The following SYT16 variants were observed in gnomAD, a reference collection of about 807,000 sequenced individuals.
SYT16 encodes synaptotagmin-16.
SYT16 carries 42 observed loss-of-function variants against 61.4 expected under a neutral mutation model. That is an observed-to-expected ratio of 0.68 (90% CI 0.53 to 0.89). The LOEUF (loss-of-function observed/expected upper bound fraction) is 0.89. Among genes scored for constraint, SYT16 ranks in the 40% least tolerant of loss-of-function variants. The pLI is 0.00. For missense variants in SYT16, 804 were observed against 807.3 expected, an observed-to-expected ratio of 1.00 and a Z score of 0.05; for synonymous variants, 314 against 302.3, an observed-to-expected ratio of 1.04 and a Z score of -0.40.
At chr14:61,827,804 G>A (rs2045817143) in intron 1 of SYT16, among the ~76,000 whole-genome samples, 1 of 152,080 alleles carries the variant, frequency 6.6e-6, no homozygotes, top group Non-Finnish European at 1.5e-5. Context: ...CCACTTCAGT[G>A]GAATATATAA....
intron 1 of SYT16, among the ~76,000 whole-genome samples, chr14:61,849,815 T>C (rs895192157): frequency 2.6e-5 from 4 of 152,118 alleles, no homozygotes; most frequent in Admixed American, 2.0e-4. Flanking sequence ...CTTATGTAGG[T>C]GCTTTTTTGT....
At chr14:61,985,044 A>T (rs1051890187) in intron 2 of SYT16, among the ~76,000 whole-genome samples, 4 of 152,084 alleles carry the variant, frequency 2.6e-5, no homozygotes, top group Non-Finnish European at 5.9e-5. Flanking sequence ...TTTTGATGGG[A>T]TCCCAAGAGG....
At chr14:61,965,850 C>G (rs1241762879) in intron 1 of SYT16, among the ~76,000 whole-genome samples, 4 of 151,820 alleles carry the variant, frequency 2.6e-5, no homozygotes, top group Non-Finnish European at 5.9e-5. Context: ...TTGTGGATAT[C>G]TGATGAAATC....
Position 62,104,083 on chromosome 14 carries a change from TTAAG to T in SYT16, c.*3379_*3382del, listed in dbSNP as rs2057470596. ...CTTTTCTTTCCAGATGAAGTACTAT[TTAAG>T]TAGAAACTAGCATTAGGTTAAATCA... On this transcript the variant is annotated 3_prime_UTR_variant, in exon 8 of 8. Coordinates refer to ENST00000683842, the MANE Select transcript of SYT16 (RefSeq NM_001367656.1). 6.6e-6 allele frequency: 1 copy of T among 152,226 alleles called. No homozygotes were observed. Among genetic ancestry groups the T allele is most frequent in the African/African-American group, 2.4e-5 (1 of 41,466 alleles). 9.4% of individuals were successfully genotyped at this position (152,226 alleles called of 1,614,324 possible).
At chr14:61,964,393 A>G (rs1386173190) in intron 1 of SYT16, among the ~76,000 whole-genome samples, 1 of 152,180 alleles carries the variant, frequency 6.6e-6, no homozygotes, top group Non-Finnish European at 1.5e-5. Flanking sequence ...TCAAGATTTC[A>G]GTGGAAGAAG....
intron 1 of SYT16, among the ~76,000 whole-genome samples, chr14:61,932,495 G>A (rs1261926538): frequency 6.6e-6 from 1 of 152,160 alleles, no homozygotes; most frequent in Non-Finnish European, 1.5e-5. Context: ...GCGTGTGAAG[G>A]AGGAACTATT....
chr14:61,975,488 C>T (rs1423602403), intron 2 of SYT16, among the ~76,000 whole-genome samples: 1 of 152,130 alleles, frequency 6.6e-6, no homozygotes, highest in East Asian at 1.9e-4. Flanking sequence ...TCTCAGCAAA[C>T]TTAATCATGA....
intron 2 of SYT16, among the ~76,000 whole-genome samples, chr14:61,977,454 G>A (rs1428267840): frequency 2.0e-5 from 3 of 152,094 alleles, no homozygotes; most frequent in Admixed American, 1.3e-4. Flanking sequence ...GAGATGGGGA[G>A]GCAGGCACCT....
chr14:61,978,555 G>C (rs2051918454), intron 2 of SYT16, among the ~76,000 whole-genome samples: 1 of 152,230 alleles, frequency 6.6e-6, no homozygotes, highest in Non-Finnish European at 1.5e-5. Flanking sequence ...ACAACAGGGA[G>C]TGGCAGGGCA....
At chr14:61,999,476 C>A (rs1198087857) in intron 3 of SYT16, among the ~76,000 whole-genome samples, 2 of 151,362 alleles carry the variant, frequency 1.3e-5, no homozygotes, top group Admixed American at 6.6e-5. Flanking sequence ...GATATTGGTA[C>A]TTTTTGTCTT....
At chr14:62,084,099 G>T (rs1403302842) in intron 6 of SYT16, 97 bp from the exon 7 acceptor site, 2 of 1,430,076 alleles carry the variant, frequency 1.4e-6, no homozygotes, top group South Asian at 2.7e-5. Flanking sequence ...AGTCATTGGG[G>T]ATTGGGTCAC....
chr14:61,818,513 A>G (rs1204696123), intron 1 of SYT16, among the ~76,000 whole-genome samples: 2 of 152,018 alleles, frequency 1.3e-5, no homozygotes, highest in African/African-American at 4.8e-5. Context: ...CCCCATCTCT[A>G]CTAAAATTAC....
chr14:62,037,692 A>C (rs2054565096), intron 3 of SYT16, among the ~76,000 whole-genome samples: 1 of 152,208 alleles, frequency 6.6e-6, no homozygotes, highest in African/African-American at 2.4e-5. Context: ...TACATGGTAC[A>C]TGTACCATAT....
intron 1 of SYT16, among the ~76,000 whole-genome samples, chr14:61,918,760 T>A (rs760689402): frequency 2.0e-5 from 3 of 152,156 alleles, no homozygotes; most frequent in Non-Finnish European, 4.4e-5. Flanking sequence ...TGATTTACCT[T>A]CTTTTTCTTG....
At chr14:61,861,827 T>C (rs770266881) in intron 1 of SYT16, among the ~76,000 whole-genome samples, 2 of 152,188 alleles carry the variant, frequency 1.3e-5, no homozygotes, top group African/African-American at 2.4e-5. Context: ...TCCTAGTGCA[T>C]ATAAAAGTTA....
intron 2 of SYT16, among the ~76,000 whole-genome samples, chr14:61,986,105 G>A (rs547143690): frequency 1.1e-3 from 172 of 152,002 alleles, no homozygotes; most frequent in African/African-American, 3.9e-3. Context: ...CTGGCTCATG[G>A]TGCCTGATAC....
chr14:62,038,385 G>A (rs1371136008), intron 3 of SYT16, among the ~76,000 whole-genome samples: 2 of 151,684 alleles, frequency 1.3e-5, no homozygotes, highest in Non-Finnish European at 2.9e-5. Context: ...TTAATCTACT[G>A]GCCATGCATG....
chr14:62,098,693 A>C (rs11849960), intron 7 of SYT16, among the ~76,000 whole-genome samples: 5 of 152,328 alleles, frequency 3.3e-5, no homozygotes, highest in Admixed American at 2.6e-4. Context: ...CGAGCTAAGC[A>C]TCAGGGGTTC....
At chr14:61,980,940 CATT>C (rs1025596770) in intron 2 of SYT16, among the ~76,000 whole-genome samples, 2 of 134,532 alleles carry the variant, frequency 1.5e-5, no homozygotes, top group African/African-American at 2.9e-5. Context: ...ACAGTACCAA[CATT>C]GTGTGTGTGT....
Sources: allele counts gnomAD v4.1 joint callset (sites outside exome capture counted in the v4.1 genomes callset), GRCh38; gene constraint gnomAD v4.1.1; transcripts MANE v1.5; gene names NCBI Gene and HGNC (gene_info 2026-07-23, HGNC 2026-07-21).